The following HOOK3 variants were observed in gnomAD, a reference collection of about 807,000 sequenced individuals.
The protein encoded by HOOK3 is protein Hook homolog 3.
HOOK3 carries 24 observed loss-of-function variants against 116.3 expected under a neutral mutation model. That is an observed-to-expected ratio of 0.21 (90% confidence interval 0.15 to 0.29). HOOK3 has a LOEUF of 0.29. Ranked by LOEUF, HOOK3 falls within the 10% of genes least tolerant of loss-of-function variation. HOOK3 has a pLI of 1.00. For missense variants in HOOK3, 632 were observed against 830.2 expected, an observed-to-expected ratio of 0.76 and a Z score of 2.93; for synonymous variants, 275 against 283.0, an observed-to-expected ratio of 0.97 and a Z score of 0.28.
intron 4 of HOOK3, among the ~76,000 whole-genome samples, chr8:42,940,170 C>A (rs1808078977): frequency 6.6e-6 from 1 of 152,036 alleles, no homozygotes; most frequent in Admixed American, 6.5e-5. Context: ...GAGATCACGC[C>A]ACTGCACTCC....
At chr8:42,925,728 T>G in intron 3 of HOOK3, 99 bp downstream of exon 3, 1 of 710,892 alleles carries the variant, frequency 1.4e-6, no homozygotes, top group South Asian at 1.9e-5. Context: ...CTTTAGAAGC[T>G]TAGGTAGCCT....
intron 17 of HOOK3, among the ~76,000 whole-genome samples, chr8:43,002,677 CA>C (rs1320644893): frequency 1.3e-5 from 2 of 152,100 alleles, no homozygotes; most frequent in African/African-American, 2.4e-5. Flanking sequence ...AGTTAAGAGA[CA>C]AGGTCTTTTA....
chr8:42,907,492 C>CT (rs1235982662), intron 2 of HOOK3, among the ~76,000 whole-genome samples: 6 of 152,178 alleles, frequency 3.9e-5, no homozygotes, highest in Non-Finnish European at 7.3e-5. Flanking sequence ...TTTGAGCACT[C>CT]TGAGAAGAGT....
intron 2 of HOOK3, 80 bp downstream of exon 2, chr8:42,906,338 C>T: frequency 9.8e-7 from 1 of 1,025,566 alleles, no homozygotes; most frequent in East Asian, 2.4e-5. Flanking sequence ...TAAAAAAGTA[C>T]TTACATGAAA....
In HOOK3 at chr8:43,018,575, TCAGCCAG is replaced by T. The variant is rs1809765311; in HGVS notation, c.*79_*85del. The T allele has an allele frequency of 7.3e-7, 1 of 1,373,228 alleles. No homozygotes were observed. The allele number at this position is 1,373,228 out of a possible 1,614,324, so 85.1% of individuals were successfully genotyped here. ...TACACACAAGAACATTTCAGGAAAC[TCAGCCAG>T]CTTATTTTTTGTTTCTCTTCTATGT... On this transcript the variant is annotated 3_prime_UTR_variant, in exon 22 of 22. Transcript: ENST00000307602.
intron 13 of HOOK3, among the ~76,000 whole-genome samples, chr8:42,975,769 G>C (rs2130436480): frequency 6.6e-6 from 1 of 152,316 alleles, no homozygotes; most frequent in Middle Eastern, 3.4e-3. Context: ...GCAGTGGCGA[G>C]ATCTTGGCTC....
intron 17 of HOOK3, among the ~76,000 whole-genome samples, chr8:43,005,186 T>G (rs1809456017): frequency 2.0e-5 from 1 of 50,264 alleles, no homozygotes; most frequent in Non-Finnish European, 4.0e-5. Context: ...AAGTGCTCTC[T>G]CTCTCTCTCT....
At chr8:42,956,924 C>CA (rs1244645478) in intron 6 of HOOK3, among the ~76,000 whole-genome samples, 170 bp from the exon 7 acceptor site, 8 of 151,970 alleles carry the variant, frequency 5.3e-5, no homozygotes, top group African/African-American at 1.7e-4. Flanking sequence ...GGAGTGGGGA[C>CA]AAAAAAAGTT....
intron 14 of HOOK3, among the ~76,000 whole-genome samples, chr8:42,986,106 T>C (rs1350246224): frequency 2.0e-5 from 3 of 152,248 alleles, no homozygotes; most frequent in African/African-American, 7.2e-5. Context: ...AAGTTCTGTA[T>C]GGATACTGTT....
At chr8:42,954,889 A>G (rs1278294196) in intron 6 of HOOK3, among the ~76,000 whole-genome samples, 1 of 152,178 alleles carries the variant, frequency 6.6e-6, no homozygotes, top group Non-Finnish European at 1.5e-5. Flanking sequence ...AAGTTTGTAA[A>G]TTAGGGTAGG....
intron 2 of HOOK3, among the ~76,000 whole-genome samples, chr8:42,908,062 C>A (rs1807348376): frequency 6.6e-6 from 1 of 152,062 alleles, no homozygotes; most frequent in East Asian, 1.9e-4. Flanking sequence ...GAAAACAATA[C>A]CATTTATAAT....
At chr8:42,930,545 T>C (rs1807853493) in intron 4 of HOOK3, among the ~76,000 whole-genome samples, 1 of 152,230 alleles carries the variant, frequency 6.6e-6, no homozygotes, top group South Asian at 2.1e-4. Context: ...GTTTGTCCTC[T>C]GAGTCTGCAT....
intron 2 of HOOK3, among the ~76,000 whole-genome samples, chr8:42,908,192 C>T (rs1422370457): frequency 6.6e-6 from 1 of 152,178 alleles, no homozygotes; most frequent in Admixed American, 6.5e-5. Flanking sequence ...AGGAAAGATA[C>T]TCTGTATTCA....
chr8:42,940,288 C>T (rs922649584), intron 4 of HOOK3, among the ~76,000 whole-genome samples: 59 of 152,326 alleles, frequency 3.9e-4, no homozygotes, highest in Admixed American at 8.5e-4. Context: ...GAGACCAGCC[C>T]GGCCAACACA....
chr8:42,897,228 C>T (rs926166805), intron 1 of HOOK3, 40 bp downstream of exon 1: 3 of 1,211,432 alleles, frequency 2.5e-6, no homozygotes, highest in South Asian at 4.2e-5. Flanking sequence ...ACCCCCTCCC[C>T]CCGCCACCTA....
intron 4 of HOOK3, 115 bp downstream of exon 4, chr8:42,930,287 AT>A (rs1807848905): frequency 2.1e-6 from 2 of 931,852 alleles, no homozygotes; most frequent in African/African-American, 3.5e-5. Context: ...TTTGTCGTTC[AT>A]TTTATAGTTT....
In HOOK3 at chr8:42,950,385, C is replaced by A; in HGVS notation, c.401-3C>A. On this transcript the variant is annotated splice_polypyrimidine_tract_variant and splice_region_variant and intron_variant, in intron 5 of 21. Transcript: ENST00000307602. ...TGACATTCTAGATTGTTCTTGTTTT[C>A]AGAGTACATCCAAGCCATTATGATG... 1 of 1,598,234 alleles carries A rather than the reference C, an allele frequency of 6.3e-7. No individual in the cohort carries two copies. The highest frequency in any genetic ancestry group is 1.1e-5 in the South Asian group (1 of 90,238).
chr8:42,903,428 T>C (rs1349330249), intron 1 of HOOK3, among the ~76,000 whole-genome samples: 2 of 138,588 alleles, frequency 1.4e-5, no homozygotes, highest in African/African-American at 5.4e-5. Context: ...CACTGCAAGC[T>C]CCACCTCCCG....
intron 17 of HOOK3, among the ~76,000 whole-genome samples, chr8:43,002,983 T>C (rs994100376): frequency 2.0e-5 from 3 of 152,178 alleles, no homozygotes; most frequent in Admixed American, 2.0e-4. Flanking sequence ...TTTTTTTTCA[T>C]GAAGAAGAAG....
Sources: gnomAD v4.1 joint callset for allele counts (sites outside exome capture counted in the v4.1 genomes callset) on GRCh38, gnomAD v4.1.1 for gene constraint, MANE v1.5 for transcripts, NCBI Gene and HGNC (gene_info 2026-07-23, HGNC 2026-07-21) for gene names.